NRG3: variants seen among roughly 807,000 people sequenced by gnomAD.
The protein encoded by NRG3 is pro-neuregulin-3, membrane-bound isoform.
A neutral mutation model predicts 66.9 loss-of-function variants in NRG3; 31 were observed. That is an observed-to-expected ratio of 0.46 (90% CI 0.35 to 0.63). NRG3 has a LOEUF of 0.63. Among genes scored for constraint, NRG3 ranks in the 20% least tolerant of loss-of-function variants. The probability of loss-of-function intolerance (pLI) is 0.00; values close to 1 mark genes in which losing one functional copy is unlikely to be tolerated. For synonymous variants in NRG3, 393 were observed against 359.4 expected, an observed-to-expected ratio of 1.09 and a Z score of -1.06; for missense variants, 910 against 878.9, an observed-to-expected ratio of 1.04 and a Z score of -0.45.
At chr10:82,567,714 T>C (rs1184933554) in intron 2 of NRG3, among the ~76,000 whole-genome samples, 1 of 151,984 alleles carries the variant, frequency 6.6e-6, no homozygotes, top group Non-Finnish European at 1.5e-5. Flanking sequence ...GCTTAATTCC[T>C]TACTCCTTCA....
chr10:82,387,405 C>T (rs911987453), intron 2 of NRG3, among the ~76,000 whole-genome samples: 1 of 152,186 alleles, frequency 6.6e-6, no homozygotes, highest in East Asian at 1.9e-4. Flanking sequence ...CACTGCCAGG[C>T]TGGTTGGTTG....
chr10:82,587,837 G>C (rs1317492585), intron 2 of NRG3, among the ~76,000 whole-genome samples: 2 of 152,210 alleles, frequency 1.3e-5, no homozygotes, highest in African/African-American at 4.8e-5. Context: ...TGTAGGCACA[G>C]AGAGAAAGTA....
chr10:82,088,430 A>G (rs2065848278), intron 1 of NRG3, among the ~76,000 whole-genome samples: 2 of 152,148 alleles, frequency 1.3e-5, no homozygotes, highest in Non-Finnish European at 1.5e-5. Context: ...CAAACTATTG[A>G]TATAAATGCA....
rs138693386 is a variant in NRG3 at position 82,210,285 on chromosome 10, C to T, written c.824-148454C>T. The stretch of plus-strand genomic sequence containing the variant: ...ATTTTAAGGTAAAGTTATTAAAGTC[C>T]GGCTCCCATCTCACAGATATTATTT... On this transcript the variant is annotated intron_variant, in intron 1 of 8. Transcript: ENST00000372141. Among the ~76,000 whole-genome samples, 354 of 152,236 alleles carry T rather than the reference C, an allele frequency of 2.3e-3. 2 individuals carry two copies. The highest frequency in any genetic ancestry group is 7.8e-3 in the African/African-American group (324 of 41,544).
In NRG3 at chr10:82,851,115, C is replaced by T. The variant is rs1591721598; in HGVS notation, c.1028-14296C>T. Among the ~76,000 whole-genome samples the T allele has an allele frequency of 2.0e-5, 3 of 152,050 alleles. No homozygotes were observed. The South Asian group carries it at 6.2e-4, about 32-fold the overall frequency. ...AAATAGAGTGACTGCCTTGATTAAG[C>T]CTTAAAAACTTAAGCTGTATTATTA... On this transcript the variant is annotated intron_variant, in intron 3 of 8. Coordinates refer to ENST00000372141, the MANE Select transcript of NRG3 (RefSeq NM_001010848.4).
intron 2 of NRG3, among the ~76,000 whole-genome samples, chr10:82,583,287 C>G (rs895613866): frequency 7.0e-6 from 1 of 142,902 alleles, no homozygotes; most frequent in Non-Finnish European, 1.6e-5. Flanking sequence ...AGCTCTTGCT[C>G]TATTAAAAAA....
In NRG3 at chr10:82,700,242, G is replaced by A. The variant is rs2055759175; in HGVS notation, c.954-38335G>A. On this transcript the variant is annotated intron_variant, in intron 2 of 8. Transcript: ENST00000372141. ...AGAAATCCATTGAAAATTTCCGCCCGAGAAAACCAGCTTGAAAATAATGTA... is the reference window on the plus strand; with the variant it reads ...AGAAATCCATTGAAAATTTCCGCCCAAGAAAACCAGCTTGAAAATAATGTA... 2.6e-5 allele frequency among the ~76,000 whole-genome samples: 4 copies of A among 152,118 alleles called. No homozygotes were observed. The South Asian group carries it at 8.3e-4, about 32-fold the overall frequency.
intron 1 of NRG3, among the ~76,000 whole-genome samples, chr10:82,097,811 G>A (rs565092611): frequency 1.7e-3 from 260 of 152,124 alleles, no homozygotes; most frequent in South Asian, 5.6e-3. Context: ...TCTAATACAT[G>A]TGTAGTAGTA....
intron 2 of NRG3, among the ~76,000 whole-genome samples, chr10:82,500,262 A>C (rs572030545): frequency 6.6e-6 from 1 of 152,236 alleles, no homozygotes; most frequent in South Asian, 2.1e-4. Flanking sequence ...GGAACATTTA[A>C]TGATTACTGG....
At chr10:82,805,485 C>A (rs1301873817) in intron 3 of NRG3, among the ~76,000 whole-genome samples, 2 of 151,990 alleles carry the variant, frequency 1.3e-5, no homozygotes, top group South Asian at 2.1e-4. Flanking sequence ...AGTACCCTTC[C>A]CCTTTGTCAG....
intron 1 of NRG3, among the ~76,000 whole-genome samples, chr10:82,209,765 T>A (rs1349959466): frequency 6.6e-6 from 1 of 152,204 alleles, no homozygotes; most frequent in Non-Finnish European, 1.5e-5. Context: ...TGCTCAGTTT[T>A]ATACCTATTG....
intron 1 of NRG3, among the ~76,000 whole-genome samples, chr10:82,023,770 T>G (rs1286287708): frequency 3.3e-5 from 5 of 152,150 alleles, no homozygotes; most frequent in African/African-American, 1.2e-4. Flanking sequence ...TTGTTGAGGA[T>G]TTTTGCATCC....
chr10:81,986,649 AAT>A, intron 1 of NRG3, among the ~76,000 whole-genome samples: 1 of 152,316 alleles, frequency 6.6e-6, no homozygotes, highest in Non-Finnish European at 1.5e-5. Flanking sequence ...AGGAAGGGAA[AAT>A]ATAAATTCAT....
Position 82,102,124 on chromosome 10 carries a change from A to ATATATG in NRG3, c.823+225962_823+225963insATATGT, listed in dbSNP as rs1404314053. 6.6e-4 allele frequency among the ~76,000 whole-genome samples: 6 copies of ATATATG among 9,160 alleles called. 1 individual carries two copies. The East Asian group carries it at 0.025, about 38-fold the overall frequency. The allele number at this position is 9,160 out of a possible 152,430, so 6.0% of individuals were successfully genotyped here. ...TATATATGTGTATTCATATATATAT[A>ATATATG]TGTGTATTCATATATATATATATAT... On this transcript the variant is annotated intron_variant, in intron 1 of 8. Coordinates refer to ENST00000372141, the MANE Select transcript of NRG3 (RefSeq NM_001010848.4).
At chr10:82,375,735 C>T (rs1021446173) in intron 2 of NRG3, among the ~76,000 whole-genome samples, 2 of 152,068 alleles carry the variant, frequency 1.3e-5, no homozygotes, top group African/African-American at 4.8e-5. Context: ...ATCTTAGCTC[C>T]AGTGGACCTT....
chr10:81,997,572 T>C (rs565478161), intron 1 of NRG3, among the ~76,000 whole-genome samples: 3 of 152,268 alleles, frequency 2.0e-5, no homozygotes, highest in South Asian at 2.1e-4. Flanking sequence ...AGCCCAGTTA[T>C]GTTGTCTTTG....
chr10:82,805,539 C>T (rs747448048), intron 3 of NRG3, among the ~76,000 whole-genome samples: 3 of 152,076 alleles, frequency 2.0e-5, no homozygotes, highest in South Asian at 2.1e-4. Flanking sequence ...TTTCCTCCTC[C>T]GTTTAGAAAC....
chr10:82,535,956 A>G (rs1847775578), intron 2 of NRG3, among the ~76,000 whole-genome samples: 1 of 142,406 alleles, frequency 7.0e-6, no homozygotes. Flanking sequence ...CTCTTGTATT[A>G]GCAGGTAAAA....
At chr10:82,194,359 T>G (rs963111581) in intron 1 of NRG3, among the ~76,000 whole-genome samples, 2 of 151,974 alleles carry the variant, frequency 1.3e-5, no homozygotes, top group African/African-American at 4.8e-5. Context: ...TGTATGCAAG[T>G]AAGTGTGAAA....
Sources: allele counts gnomAD v4.1 joint callset (sites outside exome capture counted in the v4.1 genomes callset), GRCh38; gene constraint gnomAD v4.1.1; transcripts MANE v1.5; gene names NCBI Gene and HGNC (gene_info 2026-07-23, HGNC 2026-07-21).